Variants in MYH11 observed in about 807,000 individuals in gnomAD.
MYH11 encodes myosin heavy chain 11, also known as myosin-11.
In MYH11, 80 loss-of-function variants were observed where a neutral mutation model predicts 246.6. The ratio of observed to expected loss-of-function variants is 0.32; its 90% CI spans 0.27 to 0.39. The LOEUF is 0.39. Among genes scored for constraint, MYH11 ranks in the 10% least tolerant of loss-of-function variants. MYH11 has a pLI of 1.00. For missense variants in MYH11, 2,158 were observed against 2,546.8 expected, an observed-to-expected ratio of 0.85 and a Z score of 3.29; for synonymous variants, 1,071 against 1,015.5, an observed-to-expected ratio of 1.05 and a Z score of -1.04.
Position 15,725,471 on chromosome 16 carries a change from G to A in MYH11, c.3859-479C>T, listed in dbSNP as rs74009414. On this transcript the variant is annotated intron_variant, in intron 28 of 40. Coordinates refer to ENST00000300036, the MANE Select transcript of MYH11 (RefSeq NM_002474.3). ...TCACTCCTACTCTTTGACCCTGATG[G>A]CCAAAGCCAGAGACGCAGGCCCTAA... 0.043 allele frequency: 18,498 copies of A among 428,252 alleles called. 1,305 individuals carry two copies. Among genetic ancestry groups the A allele is most frequent in the African/African-American group, 0.22 (10,761 of 48,672 alleles). The allele number at this position is 428,252 out of a possible 1,614,324, so 26.5% of individuals were successfully genotyped here. A position where few individuals can be genotyped will look rare whatever the true frequency, so the allele number is the denominator to read the frequency against.
chr16:15,826,931 A>G (rs1208639674), intron 2 of MYH11, among the ~76,000 whole-genome samples: 1 of 124,518 alleles, frequency 8.0e-6, no homozygotes, highest in Non-Finnish European at 1.6e-5. Flanking sequence ...AGGTGGAGGG[A>G]GGTTGTAGTG....
At chr16:15,781,601 T>C (rs1010080916) in intron 6 of MYH11, among the ~76,000 whole-genome samples, 1 of 152,230 alleles carries the variant, frequency 6.6e-6, no homozygotes, top group Non-Finnish European at 1.5e-5. Flanking sequence ...ACCATTGTTG[T>C]CTACCTATCA....
intron 4 of MYH11, among the ~76,000 whole-genome samples, chr16:15,794,564 G>A (rs1213867108): frequency 6.6e-6 from 1 of 152,252 alleles, no homozygotes; most frequent in Non-Finnish European, 1.5e-5. Flanking sequence ...CATTCCAGGA[G>A]ATGGAGATAC....
rs148589251 is a variant in MYH11, at chr16:15,721,590, C to T, written c.4410G>A (p.Glu1470=). 1 of 1,614,086 alleles carries T rather than the reference C, an allele frequency of 6.2e-7. No homozygotes were observed. The highest frequency in any genetic ancestry group is 1.3e-5 in the African/African-American group (1 of 74,938). Reference sequence around the variant, plus strand: ...TGGCTTCTGCCTCAGCTCTGTCCCTCTCATCCGCGTATTTGGAAGAGATGT... The same window carrying T: ...TGGCTTCTGCCTCAGCTCTGTCCCTTTCATCCGCGTATTTGGAAGAGATGT... ...EKNISSKYAD[E]RDRAEAEARE... Residue 1470 remains glutamate (E), a synonymous_variant, in exon 32 of 41, where the codon GAG becomes GAA. Transcript: ENST00000300036.
At chr16:15,777,280 C>T (rs929591517) in intron 7 of MYH11, among the ~76,000 whole-genome samples, 1 of 152,086 alleles carries the variant, frequency 6.6e-6, no homozygotes, top group African/African-American at 2.4e-5. Flanking sequence ...TGCCACCACG[C>T]CTGGATAATT....
In MYH11 at chr16:15,809,294, G is replaced by A. The variant is rs145729050; in HGVS notation, c.503-10607C>T. Among the ~76,000 whole-genome samples, 604 of 152,306 alleles carry A rather than the reference G, an allele frequency of 4.0e-3. 6 individuals are homozygous for A. The highest frequency in any genetic ancestry group is 0.014 in the African/African-American group (568 of 41,568). On this transcript the variant is annotated intron_variant, in intron 3 of 40. Coordinates refer to ENST00000300036, the MANE Select transcript of MYH11 (RefSeq NM_002474.3). ...CATCTGTAATTCCAGCACTTTGGGA[G>A]ACCGAGGCGGGAGGATTGCTTGAGG...
chr16:15,762,463 T>C (rs777621203), intron 10 of MYH11, among the ~76,000 whole-genome samples: 3 of 152,158 alleles, frequency 2.0e-5, no homozygotes, highest in Admixed American at 2.0e-4. Flanking sequence ...AACATCACTA[T>C]TGTAAAACCT....
At chr16:15,782,347 A>C in intron 6 of MYH11, 38 bp downstream of exon 6, 1 of 1,591,240 alleles carries the variant, frequency 6.3e-7, no homozygotes. Flanking sequence ...GATGACACCA[A>C]AGCTTTTCTG....
chr16:15,719,846 T>C, intron 34 of MYH11, 133 bp from the exon 35 acceptor site: 1 of 1,322,176 alleles, frequency 7.6e-7, no homozygotes, highest in Admixed American at 1.8e-5. Flanking sequence ...TGCACGAGCA[T>C]GGCTCTCAGT....
At chr16:15,826,251 G>A (rs2043561947) in intron 2 of MYH11, among the ~76,000 whole-genome samples, 1 of 152,118 alleles carries the variant, frequency 6.6e-6, no homozygotes, top group Non-Finnish European at 1.5e-5. Flanking sequence ...CAGGATCCCA[G>A]CCCTCAAGGG....
At chr16:15,765,335 T>C (rs72772038) in intron 9 of MYH11, among the ~76,000 whole-genome samples, 22,317 of 151,604 alleles carry the variant, frequency 0.15, 2,058 homozygotes, top group South Asian at 0.33. Flanking sequence ...GATGGATGGA[T>C]AGAGGATAGA....
At chr16:15,736,406 G>A (rs972570378) in intron 25 of MYH11, among the ~76,000 whole-genome samples, 1 of 152,144 alleles carries the variant, frequency 6.6e-6, no homozygotes, top group Non-Finnish European at 1.5e-5. Context: ...AGCCTCCTGA[G>A]TAGCTGGGAC....
intron 3 of MYH11, among the ~76,000 whole-genome samples, chr16:15,807,597 T>C (rs2043042986): frequency 6.6e-6 from 1 of 151,974 alleles, no homozygotes; most frequent in Non-Finnish European, 1.5e-5. Context: ...GGGGACACAG[T>C]ACCGAGCCTC....
In MYH11 at chr16:15,717,237, C is replaced by T. The variant is rs1314387438; in HGVS notation, c.5407G>A (p.Glu1803Lys). 9 of 1,614,196 alleles carry T rather than the reference C, an allele frequency of 5.6e-6. No homozygotes were observed. The highest frequency in any genetic ancestry group is 2.2e-5 in the South Asian group (2 of 91,092). ...TTGGACTTGACGGCCCCCTCCATCT[C>T]GTGGAGCTTGCTCCGGAGCTCCTTG... ...QNKELRSKLH[E>K]MEGAVKSKFK... Residue 1803 changes from glutamate to lysine, a missense_variant, in exon 38 of 41, where the codon GAG (glutamate) becomes AAG (lysine). Transcript: ENST00000300036.
At chr16:15,835,551 G>A (rs2043868272) in intron 2 of MYH11, among the ~76,000 whole-genome samples, 1 of 152,060 alleles carries the variant, frequency 6.6e-6, no homozygotes, top group Non-Finnish European at 1.5e-5. Context: ...AAAATGTACA[G>A]ACCAGAACCA....
intron 20 of MYH11, among the ~76,000 whole-genome samples, chr16:15,743,691 T>C (rs1160091742): frequency 6.6e-6 from 1 of 152,170 alleles, no homozygotes; most frequent in East Asian, 1.9e-4. Flanking sequence ...TGTTTATTGT[T>C]TACTCCCCAC....
At chr16:15,707,959 CAAAAAAAAAA>C (rs59081092) in intron 40 of MYH11, among the ~76,000 whole-genome samples, 2 of 115,968 alleles carry the variant, frequency 1.7e-5, no homozygotes, top group Admixed American at 1.8e-4. Flanking sequence ...GACTCCGTCT[CAAAAAAAAAA>C]AAAAAAAAAA....
chr16:15,705,109 C>T (rs573282677), intron 40 of MYH11, among the ~76,000 whole-genome samples: 1 of 152,274 alleles, frequency 6.6e-6, no homozygotes, highest in African/African-American at 2.4e-5. Context: ...TATTGAGTAG[C>T]TGGGACTACA....
intron 9 of MYH11, among the ~76,000 whole-genome samples, chr16:15,768,555 C>T (rs925844839): frequency 6.6e-6 from 1 of 152,124 alleles, no homozygotes; most frequent in East Asian, 1.9e-4. Context: ...TATGAGAGTT[C>T]GTCATTTGCA....
Sources: allele counts gnomAD v4.1 joint callset (sites outside exome capture counted in the v4.1 genomes callset), GRCh38; gene constraint gnomAD v4.1.1; transcripts MANE v1.5; gene names NCBI Gene and HGNC (gene_info 2026-07-23, HGNC 2026-07-21).